BPTF: variants seen among roughly 807,000 people sequenced by gnomAD.
BPTF encodes bromodomain PHD finger transcription factor.
Under a neutral mutation model 292.5 loss-of-function variants are expected in BPTF, and 18 were observed. The observed-to-expected ratio is 0.06, with a 90% CI of 0.04 to 0.09. BPTF has a LOEUF of 0.09. Ranked by LOEUF, BPTF falls within the 10% of genes least tolerant of loss-of-function variation. The pLI, the probability that BPTF is intolerant of heterozygous loss-of-function variation, is 1.00. For missense variants in BPTF, 2,726 were observed against 3,498.7 expected, an observed-to-expected ratio of 0.78 and a Z score of 5.57; for synonymous variants, 1,225 against 1,251.9, an observed-to-expected ratio of 0.98 and a Z score of 0.45.
intron 1 of BPTF, among the ~76,000 whole-genome samples, chr17:67,830,267 C>T (rs2056545887): frequency 6.6e-6 from 1 of 152,146 alleles, no homozygotes; most frequent in African/African-American, 2.4e-5. Flanking sequence ...TCTGAGAATA[C>T]TTACCTGGAA....
At chr17:67,829,124 G>C (rs1380179658) in intron 1 of BPTF, among the ~76,000 whole-genome samples, 1 of 133,292 alleles carries the variant, frequency 7.5e-6, no homozygotes, top group Non-Finnish European at 1.6e-5. Flanking sequence ...TGTTGTTGTT[G>C]TTTTTTCTAA....
chr17:67,865,984 G>A (rs2059371341), intron 2 of BPTF, among the ~76,000 whole-genome samples: 1 of 135,226 alleles, frequency 7.4e-6, no homozygotes, highest in Admixed American at 7.1e-5. Flanking sequence ...GCTGGGTATC[G>A]TGGCACATGT....
chr17:67,828,940 A>T (rs1329507121), intron 1 of BPTF, among the ~76,000 whole-genome samples: 1 of 152,236 alleles, frequency 6.6e-6, no homozygotes, highest in African/African-American at 2.4e-5. Context: ...CTCCTGTAAC[A>T]GAGTTTTGCA....
At chr17:67,924,975 C>G (rs1178106772) in intron 15 of BPTF, among the ~76,000 whole-genome samples, 1 of 151,600 alleles carries the variant, frequency 6.6e-6, no homozygotes, top group Non-Finnish European at 1.5e-5. Flanking sequence ...TCTTAAACTC[C>G]TGGACTCAAG....
At chr17:67,830,510 C>T (rs373088510) in intron 1 of BPTF, among the ~76,000 whole-genome samples, 10 of 152,052 alleles carry the variant, frequency 6.6e-5, no homozygotes, top group Admixed American at 2.0e-4. Flanking sequence ...ATGCGAGGTA[C>T]GCAGTGCAGT....
rs1555674874 is a variant in BPTF at position 67,945,945 on chromosome 17, GT to G, written c.7239del (p.Thr2414LeufsTer106). ...TTCATCAGGACAAACTTTAAATCAA[GT>G]TACTGTTTCATCCCCATCCCGTCCT... ...TLSSGQTLNQ[V>X]TVSSPSRPQL... is the part of the protein sequence containing the mutation. On this transcript the variant is annotated frameshift_variant, in exon 21 of 28. Coordinates refer to ENST00000306378, the MANE Select transcript of BPTF (RefSeq NM_182641.4). LOFTEE classifies it high-confidence loss of function. The G allele has an allele frequency of 6.2e-7, 1 of 1,614,084 alleles. No homozygotes were observed. The highest frequency in any genetic ancestry group is 1.1e-5 in the South Asian group (1 of 91,078).
At position 67,931,800 on chromosome 17, in the gene BPTF, C is replaced by T. The variant is rs1324509905; in HGVS notation, c.6151-111C>T. 1.0e-5 allele frequency: 7 copies of T among 692,710 alleles called. No homozygotes were observed. In the African/African-American group the frequency reaches 1.3e-4, roughly 13 times the overall value. 42.9% of individuals were successfully genotyped at this position (692,710 alleles called of 1,614,324 possible). ...GTAATGTTCAAGAGCCCCTGTCATT[C>T]CTGTAAACATTTTTATTAATATAGA... On this transcript the variant is annotated intron_variant, in intron 17 of 27. Transcript: ENST00000306378.
At chr17:67,921,902 C>T (rs1338349302) in intron 13 of BPTF, among the ~76,000 whole-genome samples, 1 of 152,056 alleles carries the variant, frequency 6.6e-6, no homozygotes, top group African/African-American at 2.4e-5. Flanking sequence ...CATGGTATTA[C>T]ACACCTGTAG....
rs748608461 is a variant in BPTF, at chr17:67,893,471, A to G, written c.2157A>G (p.Glu719=). The G allele has an allele frequency of 2.5e-6, 4 of 1,614,056 alleles. No individual in the cohort carries two copies. ...NINNYFKLGQ[E]GKYRVYHNQY... ...ACAATTATTTTAAATTGGGTCAAGAAGGGAAGTATCGCGTCTACCACAATC... is the reference window on the plus strand; with the variant it reads ...ACAATTATTTTAAATTGGGTCAAGAGGGGAAGTATCGCGTCTACCACAATC... The change falls in exon 6 of 28, where the codon GAA becomes GAG. Residue 719 remains glutamate, a synonymous_variant. Transcript: ENST00000306378.
At chr17:67,896,026 T>C (rs996980843) in intron 7 of BPTF, among the ~76,000 whole-genome samples, 15 of 150,184 alleles carry the variant, frequency 1.0e-4, no homozygotes, top group African/African-American at 2.2e-4. Context: ...TGCAGTGGCG[T>C]GATCTCGGCT....
chr17:67,854,912 A>G lies in BPTF; in HGVS notation c.1436+150A>G. 1 of 643,554 alleles carries G rather than the reference A, an allele frequency of 1.6e-6. No homozygotes were observed. Among genetic ancestry groups the G allele is most frequent in the East Asian group, 2.7e-5 (1 of 36,474 alleles). 39.9% of individuals were successfully genotyped at this position (643,554 alleles called of 1,614,324 possible). On this transcript the variant is annotated intron_variant, in intron 2 of 27. Transcript: ENST00000306378. This position sits in a 1 kb window ranked among gnomAD's most constrained non-coding sequence, Gnocchi z 5.6. ...TAAATAATTTCTTAATTGAAGGAAT[A>G]TGTGCATTAAAATAGCTTTTAAGAA...
intron 25 of BPTF, chr17:67,966,122 T>G (rs10445361): frequency 0.23 from 36,350 of 160,220 alleles, 4,810 homozygotes; most frequent in East Asian, 0.68. Context: ...GTTATCATAA[T>G]CAGAAGAATT....
Position 67,981,535 on chromosome 17 carries a change from GC to G in BPTF, c.8727-711del, listed in dbSNP as rs1258643226. 11 of 1,101,398 alleles carry G rather than the reference GC, an allele frequency of 1.0e-5. No individual in the cohort carries two copies. In the Admixed American group the frequency reaches 3.7e-4, roughly 37 times the overall value. 68.2% of individuals were successfully genotyped at this position (1,101,398 alleles called of 1,614,324 possible). ...CCTCGTGATTACCTAATTCAAAATTGCCCCCCAAAAAGTCAGATTAGTTAAT... is the reference window on the plus strand; with the variant it reads ...CCTCGTGATTACCTAATTCAAAATTGCCCCCAAAAAGTCAGATTAGTTAAT... On this transcript the variant is annotated intron_variant, in intron 27 of 27. Transcript: ENST00000306378.
intron 15 of BPTF, among the ~76,000 whole-genome samples, chr17:67,927,547 C>A (rs2064018709): frequency 6.6e-6 from 1 of 152,140 alleles, no homozygotes; most frequent in African/African-American, 2.4e-5. Context: ...ATAATAGTGT[C>A]ATTAACTATT....
At chr17:67,978,833 T>C (rs1232175746) in intron 27 of BPTF, among the ~76,000 whole-genome samples, 2 of 151,994 alleles carry the variant, frequency 1.3e-5, no homozygotes, top group African/African-American at 4.8e-5. Context: ...ACGTCAGGGA[T>C]AAAAATGAAA....
At chr17:67,869,909 A>G (rs1338207447) in intron 3 of BPTF, among the ~76,000 whole-genome samples, 1 of 150,372 alleles carries the variant, frequency 6.7e-6, no homozygotes, top group Non-Finnish European at 1.5e-5. Flanking sequence ...GCCTGAGGCA[A>G]GAGAATGGCG....
chr17:67,940,539 C>G lies in BPTF; in HGVS notation c.6360C>G (p.Ser2120Arg), dbSNP rs375577789. The change falls in exon 19 of 28, where the codon AGC (serine) becomes AGG (arginine). Residue 2120 changes from serine (S) to arginine (R), a missense_variant. Physicochemically the swap from Ser to Arg is moderately radical, Grantham distance 110. Coordinates refer to ENST00000306378, the MANE Select transcript of BPTF (RefSeq NM_182641.4). ...TTTCCTCAACACCTGGGCAGAAAAG[C>G]TTAACTTCAGCAACGTCCACTTCAA... ...NTVSSTPGQK[S>R]LTSATSTSNI... The G allele has an allele frequency of 4.1e-5, 66 of 1,614,012 alleles. No individual in the cohort carries two copies. The highest frequency in any genetic ancestry group is 5.9e-6 in the Non-Finnish European group (7 of 1,180,028).
chr17:67,873,644 A>C (rs1285617389), intron 3 of BPTF, among the ~76,000 whole-genome samples: 1 of 152,204 alleles, frequency 6.6e-6, no homozygotes, highest in African/African-American at 2.4e-5. Flanking sequence ...TCTCACTGTC[A>C]GAGAAGTTAC....
intron 1 of BPTF, among the ~76,000 whole-genome samples, chr17:67,829,105 TTTGTTTTTTGTTG>T (rs2056399881): frequency 7.0e-6 from 1 of 143,386 alleles, no homozygotes; most frequent in Non-Finnish European, 1.5e-5. Flanking sequence ...GTTTTTTGTT[TTTGTTTTTTGTTG>T]TTGTTGTTTT....
Sources: allele counts gnomAD v4.1 joint callset (sites outside exome capture counted in the v4.1 genomes callset), GRCh38; gene constraint gnomAD v4.1.1; non-coding constraint Gnocchi (gnomAD v3.1); transcripts MANE v1.5; gene names NCBI Gene and HGNC (gene_info 2026-07-23, HGNC 2026-07-21).